Variants in NWD2 observed in about 807,000 individuals in gnomAD.
NWD2 encodes NACHT and WD repeat domain containing 2.
Under a neutral mutation model 132.7 loss-of-function variants are expected in NWD2, and 37 were observed. That is an observed-to-expected ratio of 0.28 (90% CI 0.21 to 0.37). NWD2 has a LOEUF of 0.37. Among genes scored for constraint, NWD2 ranks in the 10% least tolerant of loss-of-function variants. NWD2 has a pLI of 1.00. For missense variants in NWD2, 1,592 were observed against 2,122.4 expected, an observed-to-expected ratio of 0.75 and a Z score of 4.91; for synonymous variants, 705 against 803.0, an observed-to-expected ratio of 0.88 and a Z score of 2.06.
At chr4:37,358,789 C>G (rs1165641893) in intron 3 of NWD2, among the ~76,000 whole-genome samples, 1 of 152,188 alleles carries the variant, frequency 6.6e-6, no homozygotes, top group Non-Finnish European at 1.5e-5. Context: ...GTATTATTAT[C>G]TATCACAGCT....
chr4:37,308,434 C>G (rs767291963), intron 1 of NWD2, among the ~76,000 whole-genome samples: 12 of 152,034 alleles, frequency 7.9e-5, no homozygotes, highest in Non-Finnish European at 1.6e-4. Flanking sequence ...TGCTGAGAGG[C>G]CTGGAGCTAC....
At chr4:37,348,455 A>C (rs1261084399) in intron 2 of NWD2, among the ~76,000 whole-genome samples, 1 of 151,506 alleles carries the variant, frequency 6.6e-6, no homozygotes, top group Non-Finnish European at 1.5e-5. Context: ...ATGAGGCCCT[A>C]CCACCCTTGG....
Position 37,433,991 on chromosome 4 carries a change from A to C in NWD2, c.677A>C (p.His226Pro), listed in dbSNP as rs908176252. 2.5e-5 allele frequency: 38 copies of C among 1,550,116 alleles called. No individual in the cohort carries two copies. Among genetic ancestry groups the C allele is most frequent in the Non-Finnish European group, 3.1e-5 (35 of 1,146,126 alleles). ...KLLHEKGKMK[H>P]SQAKRYLFSA... ...TTACACGAAAAGGGTAAAATGAAAC[A>C]CAGCCAGGCTAAGAGGTACCTGTTC... The change falls in exon 5 of 7, where the codon CAC becomes CCC. Residue 226 changes from histidine (H) to proline (P), a missense_variant. Physicochemically the swap from His to Pro is moderately conservative, Grantham distance 77. Transcript: ENST00000309447.
chr4:37,426,053 C>T (rs998123435), intron 3 of NWD2, among the ~76,000 whole-genome samples: 2 of 152,212 alleles, frequency 1.3e-5, no homozygotes, highest in South Asian at 4.1e-4. Flanking sequence ...TGGACTGCCC[C>T]CTTCTCTAAA....
chr4:37,258,329 A>G (rs1021086922), intron 1 of NWD2, among the ~76,000 whole-genome samples: 3 of 152,194 alleles, frequency 2.0e-5, no homozygotes, highest in Non-Finnish European at 2.9e-5. Flanking sequence ...TGTTCTTGTA[A>G]TGGTTATTGA....
chr4:37,255,631 G>A (rs1451053711), intron 1 of NWD2, among the ~76,000 whole-genome samples: 2 of 152,178 alleles, frequency 1.3e-5, no homozygotes, highest in African/African-American at 4.8e-5. Context: ...TTCTGAAGTG[G>A]GGACTTGTGA....
At chr4:37,388,655 A>ATATATATCATATAAATATATATCG (rs2109310996) in intron 3 of NWD2, among the ~76,000 whole-genome samples, 1 of 140,814 alleles carries the variant, frequency 7.1e-6, no homozygotes, top group African/African-American at 2.7e-5. Flanking sequence ...TATATATATC[A>ATATATATCATATAAATATATATCG]TATATATCAT....
chr4:37,326,915 T>C (rs917115966), intron 2 of NWD2, among the ~76,000 whole-genome samples: 1 of 152,168 alleles, frequency 6.6e-6, no homozygotes, highest in Non-Finnish European at 1.5e-5. Flanking sequence ...TTCTAATATG[T>C]TGTATAAAGT....
chr4:37,311,204 G>A (rs1045422708), intron 1 of NWD2, among the ~76,000 whole-genome samples: 2 of 152,118 alleles, frequency 1.3e-5, no homozygotes, highest in African/African-American at 2.4e-5. Flanking sequence ...CTGAGGAATC[G>A]CCACACTGAC....
intron 1 of NWD2, among the ~76,000 whole-genome samples, chr4:37,257,310 C>G (rs1717540895): frequency 6.6e-6 from 1 of 152,138 alleles, no homozygotes; most frequent in African/African-American, 2.4e-5. Flanking sequence ...TGTTATGCAG[C>G]AATACATAAA....
At chr4:37,300,580 T>A (rs1215883775) in intron 1 of NWD2, among the ~76,000 whole-genome samples, 1 of 152,152 alleles carries the variant, frequency 6.6e-6, no homozygotes, top group African/African-American at 2.4e-5. Flanking sequence ...TAACTTTATT[T>A]ACTTATATAT....
intron 2 of NWD2, among the ~76,000 whole-genome samples, chr4:37,341,595 G>C (rs994442807): frequency 1.3e-5 from 2 of 152,136 alleles, no homozygotes; most frequent in African/African-American, 4.8e-5. Flanking sequence ...TCAGGTCATG[G>C]ATTCTAGACA....
chr4:37,306,311 G>A (rs1362285760), intron 1 of NWD2, among the ~76,000 whole-genome samples: 1 of 151,884 alleles, frequency 6.6e-6, no homozygotes, highest in Non-Finnish European at 1.5e-5. Flanking sequence ...AGTACTTTAA[G>A]TCTTTGTTTC....
intron 1 of NWD2, among the ~76,000 whole-genome samples, chr4:37,322,482 A>G (rs1719088159): frequency 6.6e-6 from 1 of 152,208 alleles, no homozygotes; most frequent in African/African-American, 2.4e-5. Context: ...CTAAGAATCA[A>G]GTGAAAGCCA....
At chr4:37,293,108 T>G (rs1251348772) in intron 1 of NWD2, among the ~76,000 whole-genome samples, 1 of 152,210 alleles carries the variant, frequency 6.6e-6, no homozygotes, top group African/African-American at 2.4e-5. Context: ...TGTTACCACT[T>G]TCTTTTTCAA....
intron 4 of NWD2, among the ~76,000 whole-genome samples, chr4:37,431,083 A>G (rs1255223946): frequency 6.6e-6 from 1 of 152,234 alleles, no homozygotes; most frequent in Non-Finnish European, 1.5e-5. Context: ...ACATTCGGGC[A>G]GCCTCTCTGG....
intron 1 of NWD2, among the ~76,000 whole-genome samples, chr4:37,254,823 T>G (rs2109256679): frequency 6.6e-6 from 1 of 152,292 alleles, no homozygotes; most frequent in East Asian, 1.9e-4. Flanking sequence ...TCATTTTCAA[T>G]CCAAAATATT....
chr4:37,420,352 A>G (rs187609714), intron 3 of NWD2, among the ~76,000 whole-genome samples: 166 of 152,290 alleles, frequency 1.1e-3, no homozygotes, highest in African/African-American at 3.7e-3. Context: ...ATTGCCCCTC[A>G]AACTATCTAA....
At chr4:37,390,951 A>G (rs1406055840) in intron 3 of NWD2, among the ~76,000 whole-genome samples, 2 of 152,216 alleles carry the variant, frequency 1.3e-5, no homozygotes, top group Admixed American at 1.3e-4. Flanking sequence ...ATATTTCAAT[A>G]AAGTTGCAGA....
Sources: allele counts gnomAD v4.1 joint callset (sites outside exome capture counted in the v4.1 genomes callset), GRCh38; gene constraint gnomAD v4.1.1; transcripts MANE v1.5; gene names NCBI Gene and HGNC (gene_info 2026-07-23, HGNC 2026-07-21).